The following RORA variants were observed in gnomAD, a reference collection of about 807,000 sequenced individuals.
RORA encodes nuclear receptor ROR-alpha.
RORA carries 7 observed loss-of-function variants against 69.5 expected under a neutral mutation model. That is an observed-to-expected ratio of 0.10 (90% CI 0.06 to 0.19). RORA has a LOEUF of 0.19. Among genes scored for constraint, RORA ranks in the 10% least tolerant of loss-of-function variants. The probability of loss-of-function intolerance (pLI) is 1.00; values close to 1 mark genes in which losing one functional copy is unlikely to be tolerated. For missense variants in RORA, 457 were observed against 663.0 expected (o/e 0.69, Z 3.41); for synonymous variants, 261 against 240.8 (o/e 1.08, Z -0.78).
At chr15:60,770,839 T>G (rs1195725376) in intron 1 of RORA, among the ~76,000 whole-genome samples, 1 of 152,162 alleles carries the variant, frequency 6.6e-6, no homozygotes, top group African/African-American at 2.4e-5. Context: ...TGGAAGAGAT[T>G]TAATTTCATG....
intron 2 of RORA, among the ~76,000 whole-genome samples, chr15:60,624,694 G>C (rs2069525663): frequency 6.6e-6 from 1 of 151,846 alleles, no homozygotes; most frequent in African/African-American, 2.4e-5. Flanking sequence ...ATGTTGGTTA[G>C]TTGGTATTTT....
intron 1 of RORA, among the ~76,000 whole-genome samples, chr15:60,852,982 T>C (rs767973101): frequency 2.6e-5 from 4 of 152,188 alleles, no homozygotes; most frequent in Non-Finnish European, 5.9e-5. Context: ...CCCTGAAAGA[T>C]TGCCGGTAAT....
intron 1 of RORA, among the ~76,000 whole-genome samples, chr15:61,034,768 C>A (rs1896366132): frequency 8.0e-6 from 1 of 125,730 alleles, no homozygotes. Context: ...CTGGTTGATT[C>A]CACTAAAAAC....
intron 2 of RORA, among the ~76,000 whole-genome samples, chr15:60,656,821 C>T (rs1461730150): frequency 6.6e-6 from 1 of 152,180 alleles, no homozygotes; most frequent in Non-Finnish European, 1.5e-5. Context: ...CTCTAGGAGG[C>T]CAAGGCCTCT....
At chr15:60,822,649 C>T (rs190384381) in intron 1 of RORA, among the ~76,000 whole-genome samples, 1 of 152,308 alleles carries the variant, frequency 6.6e-6, no homozygotes, top group African/African-American at 2.4e-5. Context: ...TGGTGAAGCA[C>T]CCCAGGATGT....
intron 1 of RORA, among the ~76,000 whole-genome samples, chr15:60,687,596 C>A (rs1047140016): frequency 1.3e-5 from 2 of 152,250 alleles, no homozygotes; most frequent in Non-Finnish European, 2.9e-5. Context: ...CCAAAAAATA[C>A]CAAAAACATT....
chr15:60,851,149 G>A (rs1415918714), intron 1 of RORA, among the ~76,000 whole-genome samples: 1 of 152,116 alleles, frequency 6.6e-6, no homozygotes, highest in Non-Finnish European at 1.5e-5. Context: ...CAGGAGCAAC[G>A]ATGTACATAT....
intron 1 of RORA, among the ~76,000 whole-genome samples, chr15:60,714,282 C>T (rs888973110): frequency 6.6e-6 from 1 of 152,072 alleles, no homozygotes; most frequent in African/African-American, 2.4e-5. Flanking sequence ...TGGTCTCCAA[C>T]TCCTGACCCC....
At chr15:60,955,086 G>A (rs903942377) in intron 1 of RORA, among the ~76,000 whole-genome samples, 4 of 152,188 alleles carry the variant, frequency 2.6e-5, no homozygotes, top group Admixed American at 2.6e-4. Context: ...GGTGGATCAT[G>A]AGGTTAGGAG....
intron 1 of RORA, among the ~76,000 whole-genome samples, chr15:60,912,494 C>T (rs546467989): frequency 4.2e-4 from 64 of 152,030 alleles, no homozygotes; most frequent in Non-Finnish European, 7.1e-4. Context: ...GTGGCTCACA[C>T]CTGCAATCCC....
At chr15:60,946,586 C>A (rs906872910) in intron 1 of RORA, among the ~76,000 whole-genome samples, 1 of 152,240 alleles carries the variant, frequency 6.6e-6, no homozygotes, top group Non-Finnish European at 1.5e-5. Context: ...GTTGCCCAGG[C>A]TGGAGTGCAG....
chr15:60,754,668 C>T (rs571881408), intron 1 of RORA, among the ~76,000 whole-genome samples: 1 of 152,306 alleles, frequency 6.6e-6, no homozygotes, highest in African/African-American at 2.4e-5. Flanking sequence ...TGACATCCAC[C>T]TCCTCTGAAT....
At chr15:60,716,843 G>A (rs2071226975) in intron 1 of RORA, among the ~76,000 whole-genome samples, 1 of 152,164 alleles carries the variant, frequency 6.6e-6, no homozygotes, top group South Asian at 2.1e-4. Flanking sequence ...CCCCAGGGAG[G>A]GCATGGAAGC....
rs2140843105 is a variant in RORA at position 60,736,183 on chromosome 15, TC to T, written c.167-57498del. Among the ~76,000 whole-genome samples, 4 of 152,278 alleles carry T rather than the reference TC, an allele frequency of 2.6e-5. No homozygotes were observed. The East Asian group carries it at 7.7e-4, about 29-fold the overall frequency. On this transcript the variant is annotated intron_variant, in intron 1 of 10. Coordinates refer to ENST00000335670, the MANE Select transcript of RORA (RefSeq NM_134261.3). Reference sequence around the variant, plus strand: ...AGAGTGGGGCCCAGATTCAGTCTTCTCCTTTTTTTCCCCTGGTCCCAAAGTA... The same window carrying T: ...AGAGTGGGGCCCAGATTCAGTCTTCTCTTTTTTTCCCCTGGTCCCAAAGTA...
intron 1 of RORA, among the ~76,000 whole-genome samples, chr15:60,885,511 T>C (rs755759934): frequency 1.4e-4 from 21 of 152,202 alleles, no homozygotes; most frequent in Non-Finnish European, 2.5e-4. Context: ...CATTGTGAGA[T>C]ATAACAAAAT....
intron 1 of RORA, among the ~76,000 whole-genome samples, chr15:60,725,821 A>C (rs747655413): frequency 6.6e-6 from 1 of 152,182 alleles, no homozygotes; most frequent in African/African-American, 2.4e-5. Context: ...AATAAATCTA[A>C]TTAAATGTCC....
chr15:60,936,491 C>T (rs182553612), intron 1 of RORA, among the ~76,000 whole-genome samples: 73 of 152,334 alleles, frequency 4.8e-4, no homozygotes, highest in African/African-American at 1.7e-3. Flanking sequence ...AAAGTGTCCA[C>T]CTTCTTTGTC....
At chr15:60,738,271 A>C (rs578046705) in intron 1 of RORA, among the ~76,000 whole-genome samples, 1 of 152,392 alleles carries the variant, frequency 6.6e-6, no homozygotes, top group African/African-American at 2.4e-5. Context: ...ACAACTCTTC[A>C]ATATGCCAGA....
intron 1 of RORA, among the ~76,000 whole-genome samples, chr15:60,864,588 T>C (rs961142302): frequency 6.6e-6 from 1 of 152,082 alleles, no homozygotes; most frequent in Non-Finnish European, 1.5e-5. Context: ...TGAAAATGGA[T>C]GTTTGGCTAG....
Sources: gnomAD v4.1 joint callset for allele counts (sites outside exome capture counted in the v4.1 genomes callset) on GRCh38, gnomAD v4.1.1 for gene constraint, MANE v1.5 for transcripts, NCBI Gene and HGNC (gene_info 2026-07-23, HGNC 2026-07-21) for gene names.